Variants in CDK1 observed in about 807,000 individuals in gnomAD.
The protein encoded by CDK1 is cyclin-dependent kinase 1.
In CDK1, 5 loss-of-function variants were observed where a neutral mutation model predicts 34.6. The observed-to-expected ratio is 0.14, with a 90% CI of 0.08 to 0.30. CDK1 has a LOEUF of 0.30. CDK1 is among the 10% of genes least tolerant of loss of function. CDK1 has a pLI of 1.00. For missense variants in CDK1, 157 were observed against 345.7 expected (o/e 0.45, Z 4.33); for synonymous variants, 108 against 114.7 (o/e 0.94, Z 0.37).
At chr10:60,789,117 G>T (rs1000911693) in intron 5 of CDK1, among the ~76,000 whole-genome samples, 1 of 151,836 alleles carries the variant, frequency 6.6e-6, no homozygotes, top group African/African-American at 2.4e-5. Context: ...ATTTTTTATC[G>T]ACGCATTATT....
intron 3 of CDK1, 49 bp from the exon 4 acceptor site, chr10:60,785,615 G>T: frequency 8.6e-7 from 1 of 1,169,222 alleles, no homozygotes; most frequent in South Asian, 1.6e-5. Context: ...GTGAAACAGA[G>T]GTCAAAAATG....
chr10:60,793,320 A>G (rs752542444), intron 7 of CDK1, among the ~76,000 whole-genome samples: 1 of 152,042 alleles, frequency 6.6e-6, no homozygotes, highest in Non-Finnish European at 1.5e-5. Context: ...GTATTTCTTA[A>G]AGATCAAATT....
rs1425708123 is a variant in CDK1, at chr10:60,785,736, A to G, written c.267A>G (p.Lys89=). 3 of 1,609,260 alleles carry G rather than the reference A, an allele frequency of 1.9e-6. No individual in the cohort carries two copies. The South Asian group carries it at 3.3e-5, about 18-fold the overall frequency. Residue 89 remains lysine, a synonymous_variant, in exon 4 of 8, where the codon AAA becomes AAG. Coordinates refer to ENST00000395284, the MANE Select transcript of CDK1 (RefSeq NM_001786.5). ...IFEFLSMDLK[K]YLDSIPPGQY... is the part of the protein sequence containing the mutation. ...AGTTTCTTTCCATGGATCTGAAGAA[A>G]TACTTGGATTCTATCCCTCCTGGTC...
At chr10:60,783,958 A>G (rs1273095472) in intron 2 of CDK1, among the ~76,000 whole-genome samples, 1 of 152,182 alleles carries the variant, frequency 6.6e-6, no homozygotes, top group Non-Finnish European at 1.5e-5. Flanking sequence ...GATACAGATA[A>G]AAGTGTTTTG....
At chr10:60,792,747 CA>C (rs1420778786) in intron 7 of CDK1, among the ~76,000 whole-genome samples, 5 of 152,100 alleles carry the variant, frequency 3.3e-5, no homozygotes, top group Non-Finnish European at 7.4e-5. Context: ...CCATTGTATA[CA>C]TTTTCTCATT....
intron 4 of CDK1, chr10:60,786,218 T>C: frequency 6.5e-6 from 6 of 917,894 alleles, no homozygotes; most frequent in Non-Finnish European, 7.8e-6. Flanking sequence ...CTGAAGTATA[T>C]AAAAGTGTCT....
At chr10:60,787,665 A>C (rs2080327765) in intron 4 of CDK1, 1 of 115,726 alleles carries the variant, frequency 8.6e-6, no homozygotes, top group Admixed American at 9.6e-5. Flanking sequence ...TTTTTCAAGA[A>C]GGAAATGAAT....
chr10:60,792,367 A>ATTTTC, intron 7 of CDK1, 78 bp downstream of exon 7: 1 of 1,314,520 alleles, frequency 7.6e-7, no homozygotes, highest in Non-Finnish European at 1.1e-6. Context: ...TGCCTAGAAA[A>ATTTTC]TAGGAAGAAC....
chr10:60,784,077 C>A (rs982167492), intron 2 of CDK1, among the ~76,000 whole-genome samples: 1 of 152,172 alleles, frequency 6.6e-6, no homozygotes, highest in African/African-American at 2.4e-5. Flanking sequence ...CACTTCGTTG[C>A]AGGGTAGGAT....
rs548180538 is a variant in CDK1, at chr10:60,794,723, T to C, written c.*748T>C. On this transcript the variant is annotated 3_prime_UTR_variant, in exon 8 of 8. Transcript: ENST00000395284. Reference sequence around the variant, plus strand: ...GAGTAATAACTGAAGGAGTTGCTTATCTTGGCTTTCGAGTCTGAGTTTAAA... The same window carrying C: ...GAGTAATAACTGAAGGAGTTGCTTACCTTGGCTTTCGAGTCTGAGTTTAAA... 1.6e-4 allele frequency: 25 copies of C among 152,284 alleles called. No homozygotes were observed. The highest frequency in any genetic ancestry group is 5.8e-4 in the African/African-American group (24 of 41,576). The allele number at this position is 152,284 out of a possible 1,614,324, so 9.4% of individuals were successfully genotyped here.
At chr10:60,788,755 G>C (rs1195073147) in intron 5 of CDK1, among the ~76,000 whole-genome samples, 1 of 152,046 alleles carries the variant, frequency 6.6e-6, no homozygotes, top group Non-Finnish European at 1.5e-5. Flanking sequence ...TTGGCATTTA[G>C]TGTTTCTGAA....
chr10:60,781,731 C>G (rs1441455053), intron 2 of CDK1, among the ~76,000 whole-genome samples: 1 of 152,078 alleles, frequency 6.6e-6, no homozygotes, highest in African/African-American at 2.4e-5. Flanking sequence ...TACCTGGAGG[C>G]CAGTTTCTAC....
intron 4 of CDK1, chr10:60,786,951 A>G (rs2080321855): frequency 1.0e-6 from 1 of 983,682 alleles, no homozygotes; most frequent in Admixed American, 6.2e-5. Context: ...ACATGTCAGT[A>G]TTTTTCTGGT....
chr10:60,785,979 G>GT, intron 4 of CDK1, 192 bp downstream of exon 4: 1 of 1,183,074 alleles, frequency 8.5e-7, no homozygotes, highest in African/African-American at 1.6e-5. Context: ...AGTGTTTCTA[G>GT]TAAGTAAAAA....
rs750432624 is a variant in CDK1, at chr10:60,785,645, A to G, written c.195-19A>G. On this transcript the variant is annotated intron_variant, in intron 3 of 7. Coordinates refer to ENST00000395284, the MANE Select transcript of CDK1 (RefSeq NM_001786.5). Reference sequence around the variant, plus strand: ...AAAATGTTTGCTGGATTCTTCTCTCATATATTTTTTTTCCCCAGTCTTCAG... The same window carrying G: ...AAAATGTTTGCTGGATTCTTCTCTCGTATATTTTTTTTCCCCAGTCTTCAG... 5 of 1,503,028 alleles carry G rather than the reference A, an allele frequency of 3.3e-6. No individual in the cohort carries two copies. Among genetic ancestry groups the G allele is most frequent in the East Asian group, 2.3e-5 (1 of 43,712 alleles). 93.1% of individuals were successfully genotyped at this position (1,503,028 alleles called of 1,614,324 possible).
chr10:60,790,259 G>A (rs531484527), intron 5 of CDK1, among the ~76,000 whole-genome samples: 1 of 152,060 alleles, frequency 6.6e-6, no homozygotes, highest in South Asian at 2.1e-4. Flanking sequence ...ATTTGTTATT[G>A]CTGAGACAGG....
intron 5 of CDK1, among the ~76,000 whole-genome samples, chr10:60,788,813 G>A (rs1403684173): frequency 6.6e-6 from 1 of 152,146 alleles, no homozygotes; most frequent in Admixed American, 6.5e-5. Flanking sequence ...GCTGTCTTCT[G>A]TGGAGTTGTC....
rs1024418272 is a variant in CDK1, at chr10:60,788,050, C to G, written c.319-10C>G. 5 of 1,347,044 alleles carry G rather than the reference C, an allele frequency of 3.7e-6. No individual in the cohort carries two copies. In the African/African-American group the frequency reaches 7.5e-5, roughly 20 times the overall value. 83.4% of individuals were successfully genotyped at this position (1,347,044 alleles called of 1,614,324 possible). A position where few individuals can be genotyped will look rare whatever the true frequency, so the allele number is the denominator to read the frequency against. ...CGCTTAAGTTTCTAACTTTTACTTGCTTTTTCCAGAGTTATTTATACCAAA... is the reference window on the plus strand; with the variant it reads ...CGCTTAAGTTTCTAACTTTTACTTGGTTTTTCCAGAGTTATTTATACCAAA... On this transcript the variant is annotated splice_polypyrimidine_tract_variant and intron_variant, in intron 4 of 7. Transcript: ENST00000395284.
chr10:60,790,572 T>G (rs2456775), intron 5 of CDK1, among the ~76,000 whole-genome samples: 114,789 of 152,170 alleles, frequency 0.75, 43,497 homozygotes, highest in East Asian at 0.84. Flanking sequence ...TGATTTTGTT[T>G]CTTGAGCTTT....
Sources: gnomAD v4.1 joint callset for allele counts (sites outside exome capture counted in the v4.1 genomes callset) on GRCh38, gnomAD v4.1.1 for gene constraint, MANE v1.5 for transcripts, NCBI Gene and HGNC (gene_info 2026-07-23, HGNC 2026-07-21) for gene names.